RABGEF1: variants seen among roughly 807,000 people sequenced by gnomAD.
RABGEF1 encodes rab5 GDP/GTP exchange factor.
Under a neutral mutation model 57.3 loss-of-function variants are expected in RABGEF1, and 26 were observed. The observed-to-expected ratio is 0.45, with a 90% CI of 0.33 to 0.63. RABGEF1 has a LOEUF of 0.63. Ranked by LOEUF, RABGEF1 falls within the 20% of genes least tolerant of loss-of-function variation. RABGEF1 has a pLI of 0.02. For missense variants in RABGEF1, 464 were observed against 607.6 expected, an observed-to-expected ratio of 0.76 and a Z score of 2.48; for synonymous variants, 185 against 210.7, an observed-to-expected ratio of 0.88 and a Z score of 1.06.
At chr7:66,716,096 A>G (rs774977137) in intron 2 of RABGEF1, among the ~76,000 whole-genome samples, 4 of 152,080 alleles carry the variant, frequency 2.6e-5, no homozygotes, top group African/African-American at 7.2e-5. Flanking sequence ...GTTTTGCTGT[A>G]TATATTTGAG....
rs191783439 is a variant in RABGEF1 at position 66,757,801 on chromosome 7, C to T, written c.-17-14082C>T. Among the ~76,000 whole-genome samples the T allele has an allele frequency of 3.2e-3, 484 of 152,194 alleles. 2 individuals carry two copies. The highest frequency in any genetic ancestry group is 6.8e-3 in the Middle Eastern group (2 of 294). ...TAACTTTTTGTATTTTTAGTAGAGACGGGGTTTCACCGTGTTAGCCAGGAT... is the reference window on the plus strand; with the variant it reads ...TAACTTTTTGTATTTTTAGTAGAGATGGGGTTTCACCGTGTTAGCCAGGAT... On this transcript the variant is annotated intron_variant, in intron 1 of 8. Coordinates refer to ENST00000284957, the MANE Select transcript of RABGEF1 (RefSeq NM_014504.3).
chr7:66,775,810 C>T (rs1808389597), intron 3 of RABGEF1, among the ~76,000 whole-genome samples: 1 of 152,010 alleles, frequency 6.6e-6, no homozygotes, highest in African/African-American at 2.4e-5. Flanking sequence ...GATTTTCTGC[C>T]TGAGAGCTTA....
the RABGEF1 span, among the ~76,000 whole-genome samples, chr7:66,672,364 G>A: frequency 2.8e-4 from 43 of 152,180 alleles, no homozygotes; most frequent in Non-Finnish European, 5.0e-4. Flanking sequence ...CCTGGGAGGC[G>A]GAGCTTGCAG....
chr7:66,761,497 C>T (rs992022004), intron 1 of RABGEF1, among the ~76,000 whole-genome samples: 3 of 152,190 alleles, frequency 2.0e-5, no homozygotes, highest in African/African-American at 4.8e-5. Flanking sequence ...GGGGAAGGTG[C>T]AGAACTTCCA....
intron 3 of RABGEF1, among the ~76,000 whole-genome samples, chr7:66,781,153 C>G (rs1809794569): frequency 6.6e-6 from 1 of 152,012 alleles, no homozygotes; most frequent in African/African-American, 2.4e-5. Context: ...ATCTTTATCT[C>G]CACTATCAGC....
chr7:66,706,269 T>C (rs529020297), intron 1 of RABGEF1, among the ~76,000 whole-genome samples: 2 of 152,148 alleles, frequency 1.3e-5, no homozygotes, highest in Non-Finnish European at 2.9e-5. Context: ...TAAATAAAAC[T>C]GATATGAACA....
At chr7:66,679,370 A>G (rs1021171277), upstream of RABGEF1, among the ~76,000 whole-genome samples, 8 of 152,102 alleles carry the variant, frequency 5.3e-5, no homozygotes, top group Non-Finnish European at 1.2e-4. Context: ...GTGCAGTGGC[A>G]TGATCACGGC....
At chr7:66,799,754 AT>A (rs1786851662) in intron 7 of RABGEF1, among the ~76,000 whole-genome samples, 1 of 151,816 alleles carries the variant, frequency 6.6e-6, no homozygotes, top group Non-Finnish European at 1.5e-5. Context: ...ATTTCTTAGG[AT>A]TCAGTTGCAT....
the RABGEF1 span, among the ~76,000 whole-genome samples, chr7:66,662,439 T>G: frequency 6.6e-6 from 1 of 152,140 alleles, no homozygotes. Context: ...CCTCTCTCCC[T>G]GTTCCCCTCA....
chr7:66,696,910 G>A (rs578172979), intron 1 of RABGEF1, among the ~76,000 whole-genome samples: 159 of 152,266 alleles, frequency 1.0e-3, no homozygotes, highest in African/African-American at 3.5e-3. Flanking sequence ...CCTTGGTGAT[G>A]GTGGATGCAG....
intron 1 of RABGEF1, among the ~76,000 whole-genome samples, chr7:66,747,321 A>C (rs1800491294): frequency 6.6e-6 from 1 of 152,228 alleles, no homozygotes; most frequent in Non-Finnish European, 1.5e-5. Flanking sequence ...CTGAAGCAGG[A>C]ATGTAACAAG....
At chr7:66,706,881 A>C (rs1484785326) in intron 1 of RABGEF1, among the ~76,000 whole-genome samples, 2 of 141,448 alleles carry the variant, frequency 1.4e-5, no homozygotes, top group Non-Finnish European at 3.0e-5. Context: ...TCCCGGGTTC[A>C]CGCCATTCTC....
At chr7:66,718,170 C>T (rs1795614623) in intron 2 of RABGEF1, among the ~76,000 whole-genome samples, 1 of 152,112 alleles carries the variant, frequency 6.6e-6, no homozygotes, top group South Asian at 2.1e-4. Context: ...TGGTGAAACC[C>T]TGTCTCTCTA....
At position 66,771,870 on chromosome 7, in the gene RABGEF1, C is replaced by T. The variant is rs1465831892; in HGVS notation, c.-17-13C>T. The T allele has an allele frequency of 1.4e-6, 2 of 1,412,274 alleles. No homozygotes were observed. 87.5% of individuals were successfully genotyped at this position (1,412,274 alleles called of 1,614,324 possible). On this transcript the variant is annotated splice_polypyrimidine_tract_variant and intron_variant, in intron 1 of 8. Coordinates refer to ENST00000284957, the MANE Select transcript of RABGEF1 (RefSeq NM_014504.3). ...GATAATTCATTTTCAACAGCACTTTCTTGTTTGTTCAGTGGTTAGCAGGAA... is the reference window on the plus strand; with the variant it reads ...GATAATTCATTTTCAACAGCACTTTTTTGTTTGTTCAGTGGTTAGCAGGAA...
intron 3 of RABGEF1, among the ~76,000 whole-genome samples, chr7:66,782,785 C>CA (rs200519562): frequency 0.039 from 5,790 of 146,660 alleles, 156 homozygotes; most frequent in East Asian, 0.085. Context: ...GACTTCGTCT[C>CA]AAAAAAAAAA....
intron 1 of RABGEF1, among the ~76,000 whole-genome samples, chr7:66,697,930 A>T (rs963521908): frequency 2.0e-5 from 3 of 152,104 alleles, no homozygotes; most frequent in African/African-American, 7.2e-5. Context: ...ATTTCCCTCC[A>T]TGAGCCTCTT....
intron 8 of RABGEF1, among the ~76,000 whole-genome samples, chr7:66,807,436 T>G (rs1412843927): frequency 6.6e-6 from 1 of 152,190 alleles, no homozygotes; most frequent in East Asian, 1.9e-4. Context: ...CTTTGTAAAG[T>G]CTGTGTCTTC....
chr7:66,661,516 C>CT, the RABGEF1 span, among the ~76,000 whole-genome samples: 1 of 151,544 alleles, frequency 6.6e-6, no homozygotes. Flanking sequence ...AATCCCAGCA[C>CT]TTTTGGAGTG....
At chr7:66,754,347 T>C (rs1802198264) in intron 1 of RABGEF1, among the ~76,000 whole-genome samples, 2 of 151,646 alleles carry the variant, frequency 1.3e-5, no homozygotes, top group African/African-American at 4.8e-5. Context: ...CACTGGATGC[T>C]AGGTGGCAGG....
Sources: allele counts gnomAD v4.1 joint callset (sites outside exome capture counted in the v4.1 genomes callset), GRCh38; gene constraint gnomAD v4.1.1; transcripts MANE v1.5; gene names NCBI Gene and HGNC (gene_info 2026-07-23, HGNC 2026-07-21).